GLI2: variants seen among roughly 807,000 people sequenced by gnomAD.
The protein encoded by GLI2 is transcription activator GLI2.
GLI2 carries 22 observed loss-of-function variants against 78.9 expected under a neutral mutation model. The observed-to-expected ratio is 0.28, with a 90% CI of 0.20 to 0.40. GLI2 has a LOEUF of 0.40. GLI2 is among the 10% of genes least tolerant of loss of function. The pLI is 1.00. For synonymous variants in GLI2, 974 were observed against 963.7 expected, an observed-to-expected ratio of 1.01 and a Z score of -0.20; for missense variants, 2,097 against 2,213.2, an observed-to-expected ratio of 0.95 and a Z score of 1.05.
At chr2:120,779,463 G>A (rs1174453871) in intron 1 of GLI2, among the ~76,000 whole-genome samples, 3 of 152,184 alleles carry the variant, frequency 2.0e-5, no homozygotes, top group East Asian at 3.9e-4. Context: ...GGTGCATGAC[G>A]GCAAAGGTGC....
chr2:120,938,491 A>G (rs1175969739), intron 3 of GLI2, among the ~76,000 whole-genome samples: 2 of 152,248 alleles, frequency 1.3e-5, no homozygotes, highest in Non-Finnish European at 2.9e-5. Context: ...CCTCCTTTGT[A>G]GGCACAATTT....
chr2:120,964,246 A>C lies in GLI2; in HGVS notation c.644-4468A>C, dbSNP rs547670935. Reference sequence around the variant, plus strand: ...GGTCTGAGCAGGCAGAGGAAGCTGCACGTGCAAGTCCCTGAGCAGGTGTTA... The same window carrying C: ...GGTCTGAGCAGGCAGAGGAAGCTGCCCGTGCAAGTCCCTGAGCAGGTGTTA... On this transcript the variant is annotated intron_variant, in intron 5 of 13. Coordinates refer to ENST00000361492, the MANE Select transcript of GLI2 (RefSeq NM_001374353.1). Among the ~76,000 whole-genome samples, 395 of 152,334 alleles carry C rather than the reference A, an allele frequency of 2.6e-3. 7 individuals are homozygous for C. The highest frequency in any genetic ancestry group is 2.9e-3 in the Non-Finnish European group (200 of 68,034).
intron 2 of GLI2, among the ~76,000 whole-genome samples, chr2:120,847,886 T>A (rs557183818): frequency 2.5e-4 from 38 of 151,988 alleles, no homozygotes; most frequent in African/African-American, 9.2e-4. Flanking sequence ...CGCATGTGGC[T>A]CCAAATCCCA....
intron 2 of GLI2, among the ~76,000 whole-genome samples, chr2:120,821,859 G>A (rs1685792016): frequency 6.6e-6 from 1 of 152,218 alleles, no homozygotes; most frequent in South Asian, 2.1e-4. Flanking sequence ...TGGCAGTGGG[G>A]TGGGTCACAC....
intron 5 of GLI2, among the ~76,000 whole-genome samples, chr2:120,959,247 G>T (rs922851534): frequency 6.6e-6 from 1 of 152,120 alleles, no homozygotes; most frequent in African/African-American, 2.4e-5. Flanking sequence ...CTCCACCTCC[G>T]CCTTGGGAAC....
chr2:120,900,226 G>T (rs1194073279), intron 2 of GLI2, among the ~76,000 whole-genome samples: 1 of 152,138 alleles, frequency 6.6e-6, no homozygotes, highest in Non-Finnish European at 1.5e-5. Context: ...TTCCCTTCCG[G>T]CTCTTTCTTG....
Position 120,955,304 on chromosome 2 carries a change from C to T in GLI2, c.517C>T (p.Pro173Ser). 6.2e-7 allele frequency: 1 copy of T among 1,612,816 alleles called. No individual in the cohort carries two copies. The highest frequency in any genetic ancestry group is 1.3e-5 in the African/African-American group (1 of 74,942). ...LFGLPAPGTT[P>S]SDYYHQMTLV... is the part of the protein sequence containing the mutation. Reference sequence around the variant, plus strand: ...TGGCCTTCCTGCTCCAGGCACCACCCCCTCAGACTATTACCACCAGATGAC... The same window carrying T: ...TGGCCTTCCTGCTCCAGGCACCACCTCCTCAGACTATTACCACCAGATGAC... Residue 173 changes from proline (P) to serine (S), a missense_variant, in exon 5 of 14, where the codon CCC becomes TCC. Around this residue, in one of 5 missense-constraint regions of GLI2, gnomAD observed 578 missense variants for 612.0 expected, o/e 0.94. Coordinates refer to ENST00000361492, the MANE Select transcript of GLI2 (RefSeq NM_001374353.1).
chr2:120,796,775 T>C (rs1343789188), intron 1 of GLI2, among the ~76,000 whole-genome samples: 1 of 152,232 alleles, frequency 6.6e-6, no homozygotes, highest in Non-Finnish European at 1.5e-5. Context: ...CTTAAAAATA[T>C]GTTGACTGAG....
At chr2:120,848,473 C>T (rs999473839) in intron 2 of GLI2, among the ~76,000 whole-genome samples, 1 of 152,142 alleles carries the variant, frequency 6.6e-6, no homozygotes, top group Non-Finnish European at 1.5e-5. Context: ...CAGCCTTTCT[C>T]TTTATTTTGG....
intron 2 of GLI2, among the ~76,000 whole-genome samples, chr2:120,921,213 G>A (rs945518682): frequency 6.6e-5 from 10 of 152,040 alleles, no homozygotes; most frequent in African/African-American, 2.4e-4. Context: ...GGTTACTTGG[G>A]AAGAAAAGGT....
chr2:120,782,308 G>A lies in GLI2; in HGVS notation c.-30-14983G>A, dbSNP rs59897734. Among the ~76,000 whole-genome samples the A allele has an allele frequency of 3.3e-3, 508 of 152,228 alleles. 4 individuals are homozygous for A. The highest frequency in any genetic ancestry group is 0.012 in the African/African-American group (489 of 41,530). Reference sequence around the variant, plus strand: ...ATGGCAGGTGGTAGACTTCCTTCAGGGATAGCTGGAGTTCTGCTCTTCAGT... The same window carrying A: ...ATGGCAGGTGGTAGACTTCCTTCAGAGATAGCTGGAGTTCTGCTCTTCAGT... On this transcript the variant is annotated intron_variant, in intron 1 of 13. Coordinates refer to ENST00000361492, the MANE Select transcript of GLI2 (RefSeq NM_001374353.1).
At chr2:120,927,960 CA>C (rs1322043129) in intron 3 of GLI2, among the ~76,000 whole-genome samples, 4 of 152,166 alleles carry the variant, frequency 2.6e-5, no homozygotes, top group Non-Finnish European at 5.9e-5. Context: ...TTGAAGTCCC[CA>C]GGTAGAAGGT....
chr2:120,938,124 G>C (rs1680281720), intron 3 of GLI2, among the ~76,000 whole-genome samples: 1 of 152,142 alleles, frequency 6.6e-6, no homozygotes, highest in Non-Finnish European at 1.5e-5. Context: ...CCTGTACTCG[G>C]AGGTCAGTGG....
At chr2:120,825,957 A>G (rs1320611950) in intron 2 of GLI2, among the ~76,000 whole-genome samples, 1 of 152,250 alleles carries the variant, frequency 6.6e-6, no homozygotes, top group Non-Finnish European at 1.5e-5. Context: ...GCTGTGGCCC[A>G]GCAGTGTCCC....
chr2:120,803,712 C>CA (rs1684805954), intron 2 of GLI2, among the ~76,000 whole-genome samples: 1 of 152,158 alleles, frequency 6.6e-6, no homozygotes, highest in Non-Finnish European at 1.5e-5. Flanking sequence ...CAGACCAGAC[C>CA]AAAGGTTACT....
intron 2 of GLI2, among the ~76,000 whole-genome samples, chr2:120,903,686 T>A (rs1216497497): frequency 6.6e-6 from 1 of 152,200 alleles, no homozygotes. Context: ...TGGGTGAGTC[T>A]CTGTCCACTT....
chr2:120,926,884 GC>G (rs1300135358), intron 2 of GLI2, among the ~76,000 whole-genome samples: 1 of 152,222 alleles, frequency 6.6e-6, no homozygotes, highest in Admixed American at 6.5e-5. Context: ...CCTGAGGCTG[GC>G]GGCACCGTCT....
At chr2:120,797,178 G>T (rs889924089) in intron 1 of GLI2, 113 bp from the exon 2 acceptor site, 5 of 771,074 alleles carry the variant, frequency 6.5e-6, no homozygotes, top group African/African-American at 5.2e-5. Context: ...AATTATAAGA[G>T]AATTAGAATG....
At chr2:120,947,688 A>T (rs767095719) in intron 3 of GLI2, among the ~76,000 whole-genome samples, 10 of 152,170 alleles carry the variant, frequency 6.6e-5, no homozygotes, top group Non-Finnish European at 8.8e-5. Flanking sequence ...GGCCCTGGTC[A>T]TTTCACACCA....
Sources: allele counts gnomAD v4.1 joint callset (sites outside exome capture counted in the v4.1 genomes callset), GRCh38; gene constraint gnomAD v4.1.1; regional missense constraint gnomAD v4.1.1; transcripts MANE v1.5; gene names NCBI Gene and HGNC (gene_info 2026-07-23, HGNC 2026-07-21).